The following TYK2 variants were observed in gnomAD, a reference collection of about 807,000 sequenced individuals.
TYK2 encodes the protein tyrosine kinase 2, also known as non-receptor tyrosine-protein kinase TYK2.
TYK2 carries 65 observed loss-of-function variants against 130.9 expected under a neutral mutation model. That is an observed-to-expected ratio of 0.50 (90% CI 0.41 to 0.61). TYK2 has a LOEUF of 0.61. TYK2 is among the 20% of genes least tolerant of loss of function. The probability of loss-of-function intolerance (pLI) is 0.00; values close to 1 mark genes in which losing one functional copy is unlikely to be tolerated. For missense variants in TYK2, 1,378 were observed against 1,610.7 expected (o/e 0.86, Z 2.47); for synonymous variants, 647 against 658.9 (o/e 0.98, Z 0.28).
In TYK2 at chr19:10,350,608, T is replaced by C; in HGVS notation, c.*226A>G. 1 of 560,932 alleles carries C rather than the reference T, an allele frequency of 1.8e-6. No homozygotes were observed. Among genetic ancestry groups the C allele is most frequent in the Non-Finnish European group, 3.2e-6 (1 of 314,458 alleles). The allele number at this position is 560,932 out of a possible 1,614,324, so 34.7% of individuals were successfully genotyped here. ...TTTGGAAGCTGGGGGATTTAAGGGCTGGATTAGTGCCCCTACAAATGTTGG... is the reference window on the plus strand; with the variant it reads ...TTTGGAAGCTGGGGGATTTAAGGGCCGGATTAGTGCCCCTACAAATGTTGG... On this transcript the variant is annotated 3_prime_UTR_variant, in exon 25 of 25. Transcript: ENST00000525621.
At chr19:10,371,991 G>A (rs968575169) in intron 3 of TYK2, among the ~76,000 whole-genome samples, 2 of 150,516 alleles carry the variant, frequency 1.3e-5, no homozygotes, top group African/African-American at 2.4e-5. Context: ...ATGTTTCTGA[G>A]TTTTTGTTTT....
chr19:10,362,038 G>A (rs2041430808), intron 12 of TYK2, 40 bp downstream of exon 12: 1 of 1,613,018 alleles, frequency 6.2e-7, no homozygotes, highest in African/African-American at 1.3e-5. Flanking sequence ...CACATCCCCA[G>A]GGGCCCTGCC....
chr19:10,357,282 G>A (rs1001320591), intron 17 of TYK2: 11 of 567,922 alleles, frequency 1.9e-5, no homozygotes, highest in African/African-American at 1.9e-4. Flanking sequence ...CCCCCTACTC[G>A]GGAGGCTGAG....
intron 3 of TYK2, among the ~76,000 whole-genome samples, chr19:10,370,476 T>A (rs907046410): frequency 1.3e-4 from 19 of 148,878 alleles, no homozygotes; most frequent in African/African-American, 4.0e-4. Flanking sequence ...ATTGTGCCAC[T>A]GCACTCCAGC....
chr19:10,377,554 G>A (rs191829617), intron 3 of TYK2, among the ~76,000 whole-genome samples: 6 of 130,632 alleles, frequency 4.6e-5, no homozygotes, highest in Non-Finnish European at 8.3e-5. Flanking sequence ...ATGGGTGGGT[G>A]GGTGGATGGA....
chr19:10,356,117 G>A (rs1363709482), intron 18 of TYK2, among the ~76,000 whole-genome samples: 2 of 152,092 alleles, frequency 1.3e-5, no homozygotes, highest in Admixed American at 6.6e-5. Flanking sequence ...AGTGGCTCAC[G>A]CCTGTAATCC....
intron 22 of TYK2, 52 bp from the exon 23 acceptor site, chr19:10,352,603 G>T: frequency 1.1e-6 from 1 of 924,744 alleles, no homozygotes; most frequent in African/African-American, 1.7e-5. Flanking sequence ...AGGGCTTGGG[G>T]ATCAGACCAG....
Position 10,365,906 on chromosome 19 carries a change from G to A in TYK2, c.630-8C>T, listed in dbSNP as rs1341015561. The A allele has an allele frequency of 6.2e-7, 1 of 1,600,592 alleles. No homozygotes were observed. The highest frequency in any genetic ancestry group is 8.5e-7 in the Non-Finnish European group (1 of 1,173,310). ...GGGATGCAGTCCTTGAAGCTGGGGG[G>A]AAACACAGTGAGGGGCTGGTCAGGG... On this transcript the variant is annotated splice_region_variant and splice_polypyrimidine_tract_variant and intron_variant, in intron 6 of 24. Transcript: ENST00000525621.
At position 10,362,294 on chromosome 19, in the gene TYK2, G is replaced by A. The variant is rs1055236234; in HGVS notation, c.1639C>T (p.Leu547=). Residue 547 remains leucine (L), a synonymous_variant, in exon 11 of 25, where the codon CTG becomes TTG. Transcript: ENST00000525621. Reference sequence around the variant, plus strand: ...GGTTGGGGCAGGCAACAGCGACGCAGAGAGAAGCAGTCATCCCCGGCCCTC... The same window carrying A: ...GGTTGGGGCAGGCAACAGCGACGCAAAGAGAAGCAGTCATCCCCGGCCCTC... ...LLRAGDDCFS[L]RRCCLPQPGE... is the part of the protein sequence containing the mutation. 1.9e-6 allele frequency: 3 copies of A among 1,614,054 alleles called. No individual in the cohort carries two copies. In the African/African-American group the frequency reaches 4.0e-5, roughly 22 times the overall value.
In TYK2 at chr19:10,362,421, C is replaced by T; in HGVS notation, c.1512G>A (p.Lys504=). The T allele has an allele frequency of 1.2e-6, 2 of 1,610,292 alleles. No individual in the cohort carries two copies. The highest frequency in any genetic ancestry group is 8.5e-7 in the Non-Finnish European group (1 of 1,177,506). ...CCCCGTCCTGCTGCTCAATGGGGAA[C>T]TTTCGGAGCCGCAAGCTCTGCATGC... ...PDGMQSLRLR[K]FPIEQQDGAF... The change falls in exon 11 of 25, where the codon AAG becomes AAA. Residue 504 remains lysine, a synonymous_variant. Transcript: ENST00000525621.
In TYK2 at chr19:10,354,151, C is replaced by T. The variant is rs1314804989; in HGVS notation, c.2799G>A (p.Lys933=). Residue 933 remains lysine, a synonymous_variant, in exon 20 of 25, where the codon AAG becomes AAA. Coordinates refer to ENST00000525621, the MANE Select transcript of TYK2 (RefSeq NM_003331.5). ...AGCGGTGCTGGGGGCCGCAGTCTGC[C>T]TTGAGGGCTTTCACCGCCACCATCT... ...TGEMVAVKAL[K]ADCGPQHRSG... 2 of 1,614,056 alleles carry T rather than the reference C, an allele frequency of 1.2e-6. No homozygotes were observed. The highest frequency in any genetic ancestry group is 1.7e-5 in the Admixed American group (1 of 60,020).
chr19:10,378,866 TCTTATCTTA>T (rs1202107659), intron 2 of TYK2, among the ~76,000 whole-genome samples: 5 of 151,724 alleles, frequency 3.3e-5, no homozygotes, highest in Admixed American at 2.0e-4. Context: ...TCTTATCTTA[TCTTATCTTA>T]TCTTATTTTT....
Position 10,362,382 on chromosome 19 carries a change from C to T in TYK2, c.1551G>A (p.Glu517=), listed in dbSNP as rs888372693. The part of the protein sequence containing the change: ...IEQQDGAFVL[E]GWGRSFPSVR... The stretch of plus-strand genomic sequence containing the variant: ...CGCTGGGGAAGGACCGGCCCCAGCC[C>T]TCCAGCACGAAGGCCCCGTCCTGCT... Residue 517 remains glutamate, a synonymous_variant, in exon 11 of 25, where the codon GAG becomes GAA. Coordinates refer to ENST00000525621, the MANE Select transcript of TYK2 (RefSeq NM_003331.5). 1 of 1,613,988 alleles carries T rather than the reference C, an allele frequency of 6.2e-7. No homozygotes were observed. The highest frequency in any genetic ancestry group is 1.3e-5 in the African/African-American group (1 of 75,054).
Position 10,368,190 on chromosome 19 carries a change from C to T in TYK2, c.330G>A (p.Arg110=), listed in dbSNP as rs1357949814. 1 of 1,613,952 alleles carries T rather than the reference C, an allele frequency of 6.2e-7. No homozygotes were observed. Among genetic ancestry groups the T allele is most frequent in the African/African-American group, 1.3e-5 (1 of 74,900 alleles). The stretch of plus-strand genomic sequence containing the variant: ...CCCGAGGATTCATGCCATGCCAGTT[C>T]CGGAAATAAAACCTGCAGGAAGGAG... ...MLYFRIRFYF[R]NWHGMNPREP... Residue 110 remains arginine (R), a synonymous_variant, in exon 5 of 25, where the codon CGG becomes CGA. Transcript: ENST00000525621.
At position 10,364,237 on chromosome 19, in the gene TYK2, G is replaced by A. The variant is rs146302917; in HGVS notation, c.1367+377C>T. 3.9e-5 allele frequency among the ~76,000 whole-genome samples: 6 copies of A among 152,316 alleles called. No homozygotes were observed. The East Asian group carries it at 5.8e-4, about 15-fold the overall frequency. On this transcript the variant is annotated intron_variant, in intron 9 of 24. Transcript: ENST00000525621. The surrounding 1 kb of genome is among the most constrained non-coding windows in gnomAD (Gnocchi z 4.9). ...CACACAATGACAGTCATGGCCGGGC[G>A]TGGTGGCTCATGCCTGTAATACCAG... is the stretch of plus-strand genomic sequence containing the variant.
chr19:10,378,138 A>G (rs1053098181), intron 3 of TYK2, 76 bp downstream of exon 3: 27 of 1,491,882 alleles, frequency 1.8e-5, no homozygotes, highest in South Asian at 1.3e-4. Flanking sequence ...GGGTGGGTGG[A>G]TAGACGGATG....
chr19:10,360,424 G>A (rs1366676658), intron 14 of TYK2, among the ~76,000 whole-genome samples: 2 of 152,180 alleles, frequency 1.3e-5, no homozygotes, highest in Non-Finnish European at 2.9e-5. Flanking sequence ...TTGAGCCCGG[G>A]AGGTCGAGGC....
In TYK2 at chr19:10,352,434, C is replaced by A. The variant is rs140324156; in HGVS notation, c.3318G>T (p.Thr1106=). ...THCDSSQSPP[T]KFLELIGIAQ... ...GTGGGGCTGCGGGCCTGGCTCTCAC[C>A]GTGGGGGGGCTCTGGCTGGAGTCAC... The change falls in exon 23 of 25, where the codon ACG becomes ACT. Residue 1106 remains threonine, a splice_region_variant and synonymous_variant. Coordinates refer to ENST00000525621, the MANE Select transcript of TYK2 (RefSeq NM_003331.5). 24 of 1,605,294 alleles carry A rather than the reference C, an allele frequency of 1.5e-5. No homozygotes were observed. The highest frequency in any genetic ancestry group is 1.9e-5 in the Non-Finnish European group (22 of 1,173,182).
At chr19:10,356,065 GT>G (rs1375010530) in intron 18 of TYK2, among the ~76,000 whole-genome samples, 1 of 150,578 alleles carries the variant, frequency 6.6e-6, no homozygotes, top group African/African-American at 2.4e-5. Flanking sequence ...ATCCAAAGAA[GT>G]TGTGTCTCTC....
Sources: allele counts gnomAD v4.1 joint callset (sites outside exome capture counted in the v4.1 genomes callset), GRCh38; gene constraint gnomAD v4.1.1; non-coding constraint Gnocchi (gnomAD v3.1); transcripts MANE v1.5; gene names NCBI Gene and HGNC (gene_info 2026-07-23, HGNC 2026-07-21).